ASTN2: variants seen among roughly 807,000 people sequenced by gnomAD.
The protein encoded by ASTN2 is astrotactin 2.
In ASTN2, 54 loss-of-function variants were observed where a neutral mutation model predicts 139.8. The observed-to-expected ratio is 0.39, with a 90% CI of 0.31 to 0.48. The LOEUF (loss-of-function observed/expected upper bound fraction) is 0.48, where lower values mean the gene tolerates loss of function less well. ASTN2 is among the 20% of genes least tolerant of loss of function. The pLI, the probability that ASTN2 is intolerant of heterozygous loss-of-function variation, is 0.95. For missense variants in ASTN2, 1,565 were observed against 1,725.1 expected, an observed-to-expected ratio of 0.91 and a Z score of 1.64; for synonymous variants, 756 against 719.5, an observed-to-expected ratio of 1.05 and a Z score of -0.81.
At chr9:116,956,450 T>C (rs1447917173) in intron 10 of ASTN2, among the ~76,000 whole-genome samples, 1 of 147,410 alleles carries the variant, frequency 6.8e-6, no homozygotes, top group Non-Finnish European at 1.5e-5. Flanking sequence ...TTATATATAA[T>C]ATATATGAAA....
intron 7 of ASTN2, among the ~76,000 whole-genome samples, chr9:116,997,905 G>A (rs10983451): frequency 0.15 from 23,257 of 151,898 alleles, 2,216 homozygotes; most frequent in African/African-American, 0.26. Context: ...TTTAACTATT[G>A]GCTGTATTTG....
chr9:116,868,080 G>A (rs1833064575), intron 10 of ASTN2, among the ~76,000 whole-genome samples: 1 of 152,164 alleles, frequency 6.6e-6, no homozygotes, highest in African/African-American at 2.4e-5. Context: ...CTGAGACACT[G>A]CCCTGGGGTA....
At chr9:116,856,829 G>T (rs1256030696) in intron 11 of ASTN2, among the ~76,000 whole-genome samples, 1 of 152,218 alleles carries the variant, frequency 6.6e-6, no homozygotes, top group East Asian at 1.9e-4. Context: ...GGGTTGAGGA[G>T]TGTGGGATTG....
rs540638383 is a variant in ASTN2, at chr9:117,179,341, A to ATG, written c.1015+35015_1015+35016dup. Among the ~76,000 whole-genome samples, 534 of 152,058 alleles carry ATG rather than the reference A, an allele frequency of 3.5e-3. 4 individuals carry two copies. The highest frequency in any genetic ancestry group is 0.012 in the African/African-American group (517 of 41,480). On this transcript the variant is annotated intron_variant, in intron 3 of 22. Coordinates refer to ENST00000313400, the MANE Select transcript of ASTN2 (RefSeq NM_001365068.1). ...TATATATGCTTATGTGGGGATATAT[A>ATG]TGTGTGTGTGTGTATGTATATATAT... is the stretch of plus-strand genomic sequence containing the variant.
At chr9:117,087,023 G>A (rs1219419386) in intron 5 of ASTN2, among the ~76,000 whole-genome samples, 4 of 152,106 alleles carry the variant, frequency 2.6e-5, no homozygotes, top group Admixed American at 2.0e-4. Context: ...CAGGTCCTGG[G>A]GGCGTTCTCT....
intron 16 of ASTN2, among the ~76,000 whole-genome samples, chr9:116,683,237 A>C (rs895434210): frequency 6.6e-6 from 1 of 151,934 alleles, no homozygotes; most frequent in Non-Finnish European, 1.5e-5. Context: ...TCGAGGAAAA[A>C]CTTTCAAATT....
chr9:116,628,803 G>A (rs1856588718), intron 17 of ASTN2, among the ~76,000 whole-genome samples: 2 of 152,302 alleles, frequency 1.3e-5, no homozygotes, highest in Admixed American at 1.3e-4. Context: ...TGTTAATAGT[G>A]GGGGAGGCTA....
intron 1 of ASTN2, among the ~76,000 whole-genome samples, chr9:117,338,472 T>G (rs1828960795): frequency 6.6e-6 from 1 of 152,168 alleles, no homozygotes; most frequent in Admixed American, 6.5e-5. Context: ...TTCCAAAAAC[T>G]TTTTCAGATG....
chr9:116,975,782 A>G (rs1169461707), intron 9 of ASTN2, among the ~76,000 whole-genome samples: 2 of 151,936 alleles, frequency 1.3e-5, no homozygotes, highest in Non-Finnish European at 2.9e-5. Flanking sequence ...CTTTATCTAC[A>G]TGTTCATTGA....
At chr9:117,368,873 A>G (rs1162469362) in intron 1 of ASTN2, among the ~76,000 whole-genome samples, 1 of 152,206 alleles carries the variant, frequency 6.6e-6, no homozygotes, top group East Asian at 1.9e-4. Flanking sequence ...AAGAACAATC[A>G]TTTATAAGCT....
At chr9:116,533,019 G>A (rs1332617820) in intron 19 of ASTN2, among the ~76,000 whole-genome samples, 1 of 152,052 alleles carries the variant, frequency 6.6e-6, no homozygotes, top group African/African-American at 2.4e-5. Flanking sequence ...ATTTGTTTGT[G>A]TCCTCTTTTA....
chr9:116,864,307 C>T (rs531774820), intron 10 of ASTN2, among the ~76,000 whole-genome samples: 3 of 152,252 alleles, frequency 2.0e-5, no homozygotes, highest in African/African-American at 4.8e-5. Context: ...AAGACACAAA[C>T]GCAGGAGTCT....
In ASTN2 at chr9:117,234,337, C is replaced by T. The variant is rs544914832; in HGVS notation, c.631-19595G>A. ...TGCTTGGCATATTCGGACCACCTTA[C>T]CAAGATCTCCCCTCCCATTTCTCCT... On this transcript the variant is annotated intron_variant, in intron 2 of 22. Transcript: ENST00000313400. 7.9e-5 allele frequency among the ~76,000 whole-genome samples: 12 copies of T among 152,262 alleles called. No individual in the cohort carries two copies. In the South Asian group the frequency reaches 2.3e-3, roughly 29 times the overall value.
chr9:117,367,884 C>T (rs1288562210), intron 1 of ASTN2, among the ~76,000 whole-genome samples: 3 of 152,100 alleles, frequency 2.0e-5, no homozygotes, highest in East Asian at 1.9e-4. Context: ...TTCATTTGCA[C>T]GAGTTACCTC....
At chr9:117,280,854 T>C (rs1330572237) in intron 2 of ASTN2, among the ~76,000 whole-genome samples, 1 of 152,176 alleles carries the variant, frequency 6.6e-6, no homozygotes, top group Admixed American at 6.5e-5. Flanking sequence ...ACTCCACAAA[T>C]ACCCTATATC....
At chr9:117,036,559 T>G (rs759593361) in intron 6 of ASTN2, among the ~76,000 whole-genome samples, 5 of 152,104 alleles carry the variant, frequency 3.3e-5, no homozygotes, top group Admixed American at 1.3e-4. Flanking sequence ...ATCTCCTCTA[T>G]ATGGCTTATA....
At chr9:117,361,977 T>C (rs140560422) in intron 1 of ASTN2, among the ~76,000 whole-genome samples, 1 of 96,780 alleles carries the variant, frequency 1.0e-5, no homozygotes, top group South Asian at 2.9e-4. Context: ...TGTTTGTTTG[T>C]TTTGTTTTGC....
intron 10 of ASTN2, among the ~76,000 whole-genome samples, chr9:116,944,121 T>C (rs1564353035): frequency 6.6e-6 from 1 of 152,152 alleles, no homozygotes; most frequent in African/African-American, 2.4e-5. Context: ...AGTACTATTA[T>C]TATCTCCATT....
intron 13 of ASTN2, among the ~76,000 whole-genome samples, chr9:116,769,181 C>T (rs1323024905): frequency 2.6e-5 from 4 of 152,116 alleles, no homozygotes; most frequent in Admixed American, 2.0e-4. Context: ...AAAAGAAAAC[C>T]AGAAGTGTAC....
Sources: gnomAD v4.1 joint callset for allele counts (sites outside exome capture counted in the v4.1 genomes callset) on GRCh38, gnomAD v4.1.1 for gene constraint, MANE v1.5 for transcripts, NCBI Gene and HGNC (gene_info 2026-07-23, HGNC 2026-07-21) for gene names.